The following ROBO2 variants were observed in gnomAD, a reference collection of about 807,000 sequenced individuals.
ROBO2 encodes the protein roundabout guidance receptor 2, also known as roundabout homolog 2.
Under a neutral mutation model 160.8 loss-of-function variants are expected in ROBO2, and 53 were observed. The observed-to-expected ratio is 0.33, with a 90% CI of 0.26 to 0.41. The LOEUF (loss-of-function observed/expected upper bound fraction) is 0.41. ROBO2 is among the 10% of genes least tolerant of loss of function. The probability of loss-of-function intolerance (pLI) is 1.00; values close to 1 mark genes in which losing one functional copy is unlikely to be tolerated. For synonymous variants in ROBO2, 664 were observed against 611.7 expected (o/e 1.09, Z -1.26); for missense variants, 1,577 against 1,722.4 (o/e 0.92, Z 1.49).
intron 24 of ROBO2, 82 bp from the exon 27 acceptor site, chr3:77,644,620 TCA>T: frequency 8.4e-7 from 1 of 1,184,246 alleles, no homozygotes; most frequent in Admixed American, 1.7e-5. Context: ...AGTAGGCCAT[TCA>T]CAGTGTTATA....
intron 2 of ROBO2, among the ~76,000 whole-genome samples, chr3:76,913,959 CTGAG>C (rs1401136752): frequency 4.1e-5 from 2 of 49,328 alleles, no homozygotes; most frequent in Non-Finnish European, 3.7e-5. Context: ...ACATGAGTAA[CTGAG>C]TAATACTCCT....
intron 2 of ROBO2, among the ~76,000 whole-genome samples, chr3:76,475,749 A>G (rs932405317): frequency 2.0e-5 from 3 of 152,218 alleles, no homozygotes; most frequent in Non-Finnish European, 4.4e-5. Flanking sequence ...ATGTTTCATT[A>G]TAATGTTAGA....
At chr3:76,798,144 A>AAGAAGAAAGAAAGAAGAAAG in intron 2 of ROBO2, among the ~76,000 whole-genome samples, 1 of 39,672 alleles carries the variant, frequency 2.5e-5, no homozygotes, top group Non-Finnish European at 4.4e-5. Flanking sequence ...AAGAAAGAGA[A>AAGAAGAAAGAAAGAAGAAAG]AGAAAGAAAG....
chr3:76,229,867 A>G (rs1704515233), intron 2 of ROBO2, among the ~76,000 whole-genome samples: 1 of 152,206 alleles, frequency 6.6e-6, no homozygotes, highest in African/African-American at 2.4e-5. Flanking sequence ...ATGAAAATGA[A>G]TGTAATGGAT....
chr3:76,758,113 C>T lies in ROBO2; in HGVS notation c.110-339901C>T, dbSNP rs116898986. Among the ~76,000 whole-genome samples the T allele has an allele frequency of 1.9e-4, 29 of 151,602 alleles. No homozygotes were observed. The East Asian group carries it at 5.7e-3, about 30-fold the overall frequency. On this transcript the variant is annotated intron_variant, in intron 2 of 26. Coordinates refer to the ROBO2 transcript ENST00000487694. ...AGGAAAGACAACTTAAGACATAACTCGATACAAAAGCAAAAAATAGCTTAA... is the reference window on the plus strand; with the variant it reads ...AGGAAAGACAACTTAAGACATAACTTGATACAAAAGCAAAAAATAGCTTAA...
At chr3:77,019,704 G>A (rs2062505866) in intron 2 of ROBO2, among the ~76,000 whole-genome samples, 1 of 152,170 alleles carries the variant, frequency 6.6e-6, no homozygotes, top group Non-Finnish European at 1.5e-5. Flanking sequence ...ATCACTTTTA[G>A]TTTAAATAAT....
intron 2 of ROBO2, among the ~76,000 whole-genome samples, chr3:77,367,484 T>C (rs1487629045): frequency 2.0e-5 from 3 of 151,850 alleles, no homozygotes; most frequent in African/African-American, 4.8e-5. Context: ...TCAGAATGGA[T>C]CATAACCGGA....
At chr3:77,422,379 C>T (rs2077790639) in intron 2 of ROBO2, among the ~76,000 whole-genome samples, 1 of 152,128 alleles carries the variant, frequency 6.6e-6, no homozygotes, top group South Asian at 2.1e-4. Flanking sequence ...TTTTCTACTC[C>T]TCCATATCAT....
intron 2 of ROBO2, among the ~76,000 whole-genome samples, chr3:76,983,771 C>T (rs973025256): frequency 2.0e-4 from 30 of 152,156 alleles, no homozygotes; most frequent in African/African-American, 7.0e-4. Context: ...CCACTTTTAC[C>T]ATGAGGAAAC....
chr3:77,040,485 G>T, exon 1 of ROBO2: 3 of 1,280,820 alleles, frequency 2.3e-6, no homozygotes, highest in Non-Finnish European at 3.0e-6. Flanking sequence ...AGGAGAGAGG[G>T]TTAGACACAC....
chr3:76,222,336 G>A (rs1704019439), intron 2 of ROBO2, among the ~76,000 whole-genome samples: 1 of 152,134 alleles, frequency 6.6e-6, no homozygotes, highest in South Asian at 2.1e-4. Context: ...AAAAGCCTTA[G>A]AGCAGGAATG....
intron 1 of ROBO2, among the ~76,000 whole-genome samples, chr3:77,042,435 T>G (rs2064192601): frequency 6.6e-6 from 1 of 152,188 alleles, no homozygotes; most frequent in East Asian, 1.9e-4. Context: ...TCAACAGAAA[T>G]GCATGTGTAA....
In ROBO2 at chr3:76,452,739, C is replaced by A. The variant is rs1204375427; in HGVS notation, c.109+515137C>A. Reference sequence around the variant, plus strand: ...GGTATTTCTAGTTCTAGATCCCTGACGAATCGCCACACTGACTTCCACAAT... The same window carrying A: ...GGTATTTCTAGTTCTAGATCCCTGAAGAATCGCCACACTGACTTCCACAAT... On this transcript the variant is annotated intron_variant, in intron 2 of 26. Coordinates refer to the ROBO2 transcript ENST00000487694. Among the ~76,000 whole-genome samples, 3 of 152,250 alleles carry A rather than the reference C, an allele frequency of 2.0e-5. No homozygotes were observed. The South Asian group carries it at 6.2e-4, about 32-fold the overall frequency.
At chr3:76,326,264 T>G (rs2073006997) in intron 2 of ROBO2, among the ~76,000 whole-genome samples, 2 of 152,194 alleles carry the variant, frequency 1.3e-5, no homozygotes, top group East Asian at 1.9e-4. Context: ...AGAGAAAAAT[T>G]TAAAGGGAAT....
At chr3:76,894,595 A>G (rs1045635876) in intron 2 of ROBO2, among the ~76,000 whole-genome samples, 5 of 152,124 alleles carry the variant, frequency 3.3e-5, no homozygotes, top group Non-Finnish European at 5.9e-5. Context: ...GATATCTGAC[A>G]AGGAAATATT....
rs1385904779 is a variant in ROBO2, at chr3:76,149,904, AACAC to A, written c.109+212306_109+212309del. ...TCTAAAGCACACATCATCTGTCTAA[AACAC>A]ACATCTGTCTAAAGCACACATCTGT... On this transcript the variant is annotated intron_variant, in intron 2 of 26. Coordinates refer to the ROBO2 transcript ENST00000487694. Among the ~76,000 whole-genome samples the A allele has an allele frequency of 2.2e-5, 3 of 137,364 alleles. No homozygotes were observed. The East Asian group carries it at 5.9e-4, about 27-fold the overall frequency. 90.1% of individuals were successfully genotyped at this position (137,364 alleles called of 152,430 possible).
At chr3:77,633,861 A>G (rs908200939) in intron 23 of ROBO2, 6 of 152,236 alleles carry the variant, frequency 3.9e-5, no homozygotes, top group African/African-American at 1.4e-4. Flanking sequence ...CTGTAAACAG[A>G]GCAGTGAGAA....
intron 2 of ROBO2, among the ~76,000 whole-genome samples, chr3:76,200,741 G>A (rs190591140): frequency 6.0e-4 from 92 of 152,228 alleles, no homozygotes; most frequent in African/African-American, 2.1e-3. Flanking sequence ...CTATAGTAGG[G>A]TGGCAAGAAG....
intron 2 of ROBO2, among the ~76,000 whole-genome samples, chr3:77,030,580 C>A: frequency 6.6e-6 from 1 of 152,272 alleles, no homozygotes; most frequent in Non-Finnish European, 1.5e-5. Context: ...AGTTATAAAG[C>A]CTAGACCTCC....
Sources: allele counts gnomAD v4.1 joint callset (sites outside exome capture counted in the v4.1 genomes callset), GRCh38; gene constraint gnomAD v4.1.1; transcripts MANE v1.5; gene names NCBI Gene and HGNC (gene_info 2026-07-23, HGNC 2026-07-21).